The following CDH12 variants were observed in gnomAD, a reference collection of about 807,000 sequenced individuals.
The protein encoded by CDH12 is cadherin-12.
A neutral mutation model predicts 74.1 loss-of-function variants in CDH12; 41 were observed. That is an observed-to-expected ratio of 0.55 (90% confidence interval 0.43 to 0.72). CDH12 has a LOEUF of 0.72. Ranked by LOEUF, CDH12 falls within the 30% of genes least tolerant of loss-of-function variation. The probability of loss-of-function intolerance (pLI) is 0.00; values close to 1 mark genes in which losing one functional copy is unlikely to be tolerated. For synonymous variants in CDH12, 399 were observed against 355.0 expected, an observed-to-expected ratio of 1.12 and a Z score of -1.39; for missense variants, 945 against 977.2, an observed-to-expected ratio of 0.97 and a Z score of 0.44.
intron 3 of CDH12, among the ~76,000 whole-genome samples, chr5:22,261,169 A>G (rs1753496507): frequency 6.6e-6 from 1 of 151,782 alleles, no homozygotes; most frequent in East Asian, 1.9e-4. Flanking sequence ...AATATGCCAC[A>G]TTCTACAGAA....
intron 3 of CDH12, among the ~76,000 whole-genome samples, chr5:22,392,373 C>T (rs777065980): frequency 5.3e-5 from 8 of 152,260 alleles, no homozygotes; most frequent in Middle Eastern, 3.4e-3. Context: ...CCCACCTGTT[C>T]GTTCCCTACT....
chr5:22,197,288 C>CA (rs566843919), intron 4 of CDH12, among the ~76,000 whole-genome samples: 2,428 of 147,868 alleles, frequency 0.016, 47 homozygotes, highest in South Asian at 0.021. Flanking sequence ...ACTAAAAATA[C>CA]AAAAAAAAAA....
intron 1 of CDH12, among the ~76,000 whole-genome samples, chr5:22,587,101 G>C (rs1486704335): frequency 6.6e-6 from 1 of 152,082 alleles, no homozygotes. Context: ...CTCCCAAAGT[G>C]CTGGGATTAC....
At chr5:22,647,539 T>G (rs940442372) in intron 1 of CDH12, among the ~76,000 whole-genome samples, 2 of 151,784 alleles carry the variant, frequency 1.3e-5, no homozygotes, top group Non-Finnish European at 3.0e-5. Flanking sequence ...GGTGATTTCC[T>G]TCTCGCTGTG....
At chr5:22,313,603 T>G (rs754564382) in intron 3 of CDH12, among the ~76,000 whole-genome samples, 3 of 152,042 alleles carry the variant, frequency 2.0e-5, no homozygotes, top group Non-Finnish European at 4.4e-5. Flanking sequence ...AATCTGTGGA[T>G]AAAGAAAATG....
chr5:21,931,567 C>A (rs141644353), intron 6 of CDH12, among the ~76,000 whole-genome samples: 3 of 152,076 alleles, frequency 2.0e-5, no homozygotes, highest in Non-Finnish European at 2.9e-5. Context: ...AATAAATCTG[C>A]CCAAGAATAA....
At chr5:22,538,136 C>A (rs2126715007) in intron 1 of CDH12, among the ~76,000 whole-genome samples, 1 of 152,214 alleles carries the variant, frequency 6.6e-6, no homozygotes, top group East Asian at 1.9e-4. Flanking sequence ...TTTTCTTCAC[C>A]CCAAGTGCAT....
intron 3 of CDH12, among the ~76,000 whole-genome samples, chr5:22,247,859 C>T (rs1753008384): frequency 6.6e-6 from 1 of 152,058 alleles, no homozygotes; most frequent in South Asian, 2.1e-4. Context: ...TAAACAAATG[C>T]ACAGAGGTAT....
intron 1 of CDH12, among the ~76,000 whole-genome samples, chr5:22,669,005 TGAG>T (rs1740769904): frequency 6.6e-6 from 1 of 152,170 alleles, no homozygotes; most frequent in African/African-American, 2.4e-5. Context: ...TACTTTCACT[TGAG>T]GCACCAGGAT....
At chr5:22,316,337 A>G (rs1738633827) in intron 3 of CDH12, among the ~76,000 whole-genome samples, 1 of 152,046 alleles carries the variant, frequency 6.6e-6, no homozygotes, top group Non-Finnish European at 1.5e-5. Context: ...CCACCAACAC[A>G]CATGCACACA....
At chr5:22,669,645 T>A (rs1164091612) in intron 1 of CDH12, among the ~76,000 whole-genome samples, 1 of 152,192 alleles carries the variant, frequency 6.6e-6, no homozygotes, top group East Asian at 1.9e-4. Flanking sequence ...GTCCCTTGTA[T>A]CACCTGCAGA....
At chr5:22,604,830 G>T (rs915710647) in intron 1 of CDH12, among the ~76,000 whole-genome samples, 1 of 152,116 alleles carries the variant, frequency 6.6e-6, no homozygotes, top group African/African-American at 2.4e-5. Context: ...AAGTAAGAGA[G>T]ATATGCCAGC....
intron 5 of CDH12, among the ~76,000 whole-genome samples, chr5:22,023,888 T>A (rs757619534): frequency 2.0e-5 from 3 of 152,096 alleles, no homozygotes; most frequent in Non-Finnish European, 4.4e-5. Context: ...CTTAACACAG[T>A]TATGTCATGT....
chr5:21,848,347 T>C (rs1362924968), intron 7 of CDH12, among the ~76,000 whole-genome samples: 1 of 151,962 alleles, frequency 6.6e-6, no homozygotes, highest in Non-Finnish European at 1.5e-5. Context: ...ATGTTAGAGA[T>C]AGCTAATAAG....
intron 5 of CDH12, among the ~76,000 whole-genome samples, chr5:21,976,335 A>C (rs560438192): frequency 6.6e-6 from 1 of 152,080 alleles, no homozygotes; most frequent in Non-Finnish European, 1.5e-5. Context: ...AAGAGTAGAG[A>C]GAATTATCAG....
At chr5:21,840,700 C>T (rs1465303580) in intron 8 of CDH12, among the ~76,000 whole-genome samples, 25 of 151,954 alleles carry the variant, frequency 1.6e-4, no homozygotes, top group East Asian at 5.8e-4. Flanking sequence ...GAAATAACGC[C>T]GCATATCTAC....
At chr5:22,171,103 G>T (rs1401247870) in intron 4 of CDH12, among the ~76,000 whole-genome samples, 2 of 151,838 alleles carry the variant, frequency 1.3e-5, no homozygotes, top group African/African-American at 4.8e-5. Flanking sequence ...TCTAGTCCAA[G>T]AACTTGCATG....
At chr5:22,742,685 T>A (rs1380978572) in intron 1 of CDH12, among the ~76,000 whole-genome samples, 2 of 150,974 alleles carry the variant, frequency 1.3e-5, no homozygotes, top group East Asian at 3.9e-4. Context: ...ATATTTAGGA[T>A]CTATTGCACA....
intron 1 of CDH12, among the ~76,000 whole-genome samples, chr5:22,599,981 T>G (rs2126810865): frequency 6.6e-6 from 1 of 152,248 alleles, no homozygotes; most frequent in South Asian, 2.1e-4. Flanking sequence ...ATCTATTTTT[T>G]CTAATGAGCA....
Sources: allele counts gnomAD v4.1 joint callset (sites outside exome capture counted in the v4.1 genomes callset), GRCh38; gene constraint gnomAD v4.1.1; transcripts MANE v1.5; gene names NCBI Gene and HGNC (gene_info 2026-07-23, HGNC 2026-07-21).